The following DLG2 variants were observed in gnomAD, a reference collection of about 807,000 sequenced individuals.
DLG2 encodes the protein discs large MAGUK scaffold protein 2.
A neutral mutation model predicts 132.5 loss-of-function variants in DLG2; 45 were observed. The observed-to-expected ratio is 0.34, with a 90% CI of 0.27 to 0.44. The LOEUF (loss-of-function observed/expected upper bound fraction) is 0.44, where lower values mean the gene tolerates loss of function less well. Ranked by LOEUF, DLG2 falls within the 20% of genes least tolerant of loss-of-function variation. The pLI, the probability that DLG2 is intolerant of heterozygous loss-of-function variation, is 1.00. For synonymous variants in DLG2, 424 were observed against 419.6 expected, an observed-to-expected ratio of 1.01 and a Z score of -0.13; for missense variants, 1,045 against 1,196.9, an observed-to-expected ratio of 0.87 and a Z score of 1.87.
chr11:83,612,423 C>T (rs914971139), intron 19 of DLG2, among the ~76,000 whole-genome samples: 3 of 152,118 alleles, frequency 2.0e-5, no homozygotes, highest in Non-Finnish European at 4.4e-5. Context: ...AAATAGTAGG[C>T]ATATTAGGTA....
chr11:85,526,755 G>A (rs1355427221), intron 3 of DLG2, among the ~76,000 whole-genome samples: 2 of 152,134 alleles, frequency 1.3e-5, no homozygotes, highest in Non-Finnish European at 2.9e-5. Context: ...CAAGAAAGAA[G>A]ATCACCTTCC....
chr11:83,710,431 G>C (rs924864569), intron 18 of DLG2, among the ~76,000 whole-genome samples: 2 of 152,222 alleles, frequency 1.3e-5, no homozygotes, highest in African/African-American at 4.8e-5. Context: ...CCAAATGCTG[G>C]GATTATAGGC....
chr11:83,479,020 G>A (rs1009921788), intron 22 of DLG2, among the ~76,000 whole-genome samples: 5 of 151,910 alleles, frequency 3.3e-5, no homozygotes, highest in Non-Finnish European at 2.9e-5. Flanking sequence ...ACATGTTACC[G>A]TGTTGATAAC....
At chr11:84,435,640 C>G (rs890849691) in intron 7 of DLG2, among the ~76,000 whole-genome samples, 2 of 152,034 alleles carry the variant, frequency 1.3e-5, no homozygotes, top group East Asian at 1.9e-4. Flanking sequence ...TAATTTGAAC[C>G]CTTAAAATCA....
At chr11:85,575,539 C>CAAAAA (rs771079911) in intron 3 of DLG2, among the ~76,000 whole-genome samples, 1 of 89,744 alleles carries the variant, frequency 1.1e-5, no homozygotes. Context: ...GATCCTATCT[C>CAAAAA]AAAAAAAAAA....
chr11:85,574,283 A>G (rs1219622612), intron 3 of DLG2, among the ~76,000 whole-genome samples: 1 of 151,948 alleles, frequency 6.6e-6, no homozygotes, highest in Non-Finnish European at 1.5e-5. Flanking sequence ...TCTAACCTTG[A>G]TATCTCCCTG....
intron 3 of DLG2, among the ~76,000 whole-genome samples, chr11:85,584,903 CCT>C (rs1430496454): frequency 1.3e-5 from 2 of 152,154 alleles, no homozygotes; most frequent in Non-Finnish European, 2.9e-5. Context: ...GGATATTAGT[CCT>C]TTGTCGAATG....
At chr11:85,022,313 A>C (rs574369021) in intron 6 of DLG2, among the ~76,000 whole-genome samples, 57 of 152,238 alleles carry the variant, frequency 3.7e-4, no homozygotes, top group African/African-American at 1.4e-3. Context: ...AAGAAATAGA[A>C]CACTTGGTTC....
intron 3 of DLG2, among the ~76,000 whole-genome samples, chr11:85,506,568 T>C (rs1347652928): frequency 1.3e-5 from 2 of 152,260 alleles, no homozygotes; most frequent in Non-Finnish European, 2.9e-5. Flanking sequence ...GTGATTGCAC[T>C]GTGGTCTGAG....
chr11:85,017,982 C>G (rs1466709767), intron 6 of DLG2, among the ~76,000 whole-genome samples: 1 of 152,068 alleles, frequency 6.6e-6, no homozygotes, highest in East Asian at 1.9e-4. Flanking sequence ...AACTGATATC[C>G]CTATGGACTA....
rs140035992 is a variant in DLG2, at chr11:85,051,618, G to A, written c.357+60043C>T. ...TATGTGATGAATATTAGAAGGAGGCGTGGAAAATGTTTGAATACATTTATA... is the reference window on the plus strand; with the variant it reads ...TATGTGATGAATATTAGAAGGAGGCATGGAAAATGTTTGAATACATTTATA... On this transcript the variant is annotated intron_variant, in intron 6 of 27. Transcript: ENST00000376104. Among the ~76,000 whole-genome samples, 898 of 152,094 alleles carry A rather than the reference G, an allele frequency of 5.9e-3. 4 individuals carry two copies. The highest frequency in any genetic ancestry group is 0.011 in the Admixed American group (175 of 15,270).
chr11:84,966,775 A>G (rs1423160034), intron 6 of DLG2, among the ~76,000 whole-genome samples: 1 of 152,172 alleles, frequency 6.6e-6, no homozygotes, highest in Non-Finnish European at 1.5e-5. Flanking sequence ...AAAGAACATC[A>G]CATTTCTGGC....
chr11:85,207,998 C>T (rs1443609701), intron 4 of DLG2, among the ~76,000 whole-genome samples: 1 of 152,048 alleles, frequency 6.6e-6, no homozygotes, highest in Non-Finnish European at 1.5e-5. Context: ...CCAGAAGTGG[C>T]ATACTGTGTT....
intron 6 of DLG2, chr11:84,720,518 G>T (rs1219417188): frequency 2.0e-6 from 2 of 982,998 alleles, no homozygotes; most frequent in Non-Finnish European, 2.4e-6. Context: ...CACCCGCCGT[G>T]GCCATCCCGG....
At chr11:85,545,687 G>A (rs557857221) in intron 3 of DLG2, among the ~76,000 whole-genome samples, 46 of 152,128 alleles carry the variant, frequency 3.0e-4, no homozygotes, top group Non-Finnish European at 5.1e-4. Context: ...GTCTATTCAG[G>A]GATTCAACTT....
intron 3 of DLG2, among the ~76,000 whole-genome samples, chr11:85,541,678 G>A (rs1167048752): frequency 3.3e-5 from 5 of 151,916 alleles, no homozygotes; most frequent in Non-Finnish European, 7.4e-5. Flanking sequence ...TGAAGTCATA[G>A]AAAATTACTT....
intron 4 of DLG2, among the ~76,000 whole-genome samples, chr11:85,282,118 A>T (rs2078268215): frequency 6.6e-6 from 1 of 152,032 alleles, no homozygotes; most frequent in Admixed American, 6.6e-5. Flanking sequence ...CCAGGCACAG[A>T]AAGACAAATA....
chr11:85,537,525 C>T (rs899770753), intron 3 of DLG2, among the ~76,000 whole-genome samples: 12 of 149,074 alleles, frequency 8.0e-5, no homozygotes, highest in Non-Finnish European at 1.2e-4. Context: ...CAACTCCAGA[C>T]GGGAGGGATG....
chr11:84,868,093 T>C (rs2154036901), intron 6 of DLG2, among the ~76,000 whole-genome samples: 1 of 148,204 alleles, frequency 6.7e-6, no homozygotes, highest in East Asian at 2.0e-4. Flanking sequence ...ATAATTCTTA[T>C]TAATAATATA....
Sources: gnomAD v4.1 joint callset for allele counts (sites outside exome capture counted in the v4.1 genomes callset) on GRCh38, gnomAD v4.1.1 for gene constraint, MANE v1.5 for transcripts, NCBI Gene and HGNC (gene_info 2026-07-23, HGNC 2026-07-21) for gene names.